PCDHAC1: variants seen among roughly 807,000 people sequenced by gnomAD.
PCDHAC1 encodes protocadherin alpha-C1.
Under a neutral mutation model 60.0 loss-of-function variants are expected in PCDHAC1, and 42 were observed. The ratio of observed to expected loss-of-function variants is 0.70; its 90% CI spans 0.55 to 0.90. The LOEUF (loss-of-function observed/expected upper bound fraction) is 0.90. Among genes scored for constraint, PCDHAC1 ranks in the 40% least tolerant of loss-of-function variants. PCDHAC1 has a pLI of 0.00. For synonymous variants in PCDHAC1, 468 were observed against 499.3 expected (o/e 0.94, Z 0.84); for missense variants, 1,160 against 1,222.3 (o/e 0.95, Z 0.76).
chr5:140,997,859 T>C (rs2097788506), intron 3 of PCDHAC1, among the ~76,000 whole-genome samples: 1 of 152,216 alleles, frequency 6.6e-6, no homozygotes, highest in Non-Finnish European at 1.5e-5. Context: ...TACATATTTC[T>C]TATGCATGCT....
At chr5:140,950,358 G>A (rs1474217490) in intron 1 of PCDHAC1, among the ~76,000 whole-genome samples, 3 of 151,864 alleles carry the variant, frequency 2.0e-5, no homozygotes, top group Admixed American at 1.3e-4. Context: ...TCCTTTATCT[G>A]AAGATCTATT....
chr5:140,968,363 G>T (rs1448494733), intron 1 of PCDHAC1: 1 of 1,614,090 alleles, frequency 6.2e-7, no homozygotes, highest in East Asian at 2.2e-5. Context: ...CAGCCTTTAT[G>T]CTGTCAACTC....
chr5:140,950,581 C>T (rs1158445917), intron 1 of PCDHAC1, among the ~76,000 whole-genome samples: 2 of 151,860 alleles, frequency 1.3e-5, no homozygotes, highest in Non-Finnish European at 2.9e-5. Flanking sequence ...TTCTACTTAC[C>T]TTTGGTTTAG....
chr5:140,956,820 G>C (rs246011), intron 1 of PCDHAC1, among the ~76,000 whole-genome samples: 85,659 of 151,910 alleles, frequency 0.56, 24,765 homozygotes, highest in African/African-American at 0.69. Context: ...GCTTCAATTT[G>C]TAATTTAATA....
At chr5:140,947,374 T>C (rs1252253428) in intron 1 of PCDHAC1, among the ~76,000 whole-genome samples, 7 of 151,768 alleles carry the variant, frequency 4.6e-5, no homozygotes, top group Admixed American at 4.6e-4. Context: ...TTGATCTATA[T>C]GTTTATCCTT....
chr5:140,950,426 ACT>A (rs1554219446), intron 1 of PCDHAC1, among the ~76,000 whole-genome samples: 5 of 151,872 alleles, frequency 3.3e-5, no homozygotes, highest in African/African-American at 1.2e-4. Flanking sequence ...ATTTTCTTCC[ACT>A]TAAAAAAAAT....
chr5:140,959,038 A>ATG (rs1387162159), intron 1 of PCDHAC1, among the ~76,000 whole-genome samples: 2 of 151,994 alleles, frequency 1.3e-5, no homozygotes, highest in Non-Finnish European at 2.9e-5. Flanking sequence ...ATGGGTATGT[A>ATG]TGTATAGGAA....
chr5:141,004,414 C>A (rs2153980954), intron 3 of PCDHAC1, among the ~76,000 whole-genome samples: 1 of 152,330 alleles, frequency 6.6e-6, no homozygotes, highest in Non-Finnish European at 1.5e-5. Context: ...CTGACTAGAT[C>A]TCTGCCTCCT....
chr5:140,930,257 A>C (rs1412873070), intron 1 of PCDHAC1: 1 of 152,218 alleles, frequency 6.6e-6, no homozygotes, highest in Non-Finnish European at 1.5e-5. Flanking sequence ...ACTTGGATTT[A>C]ATTTCTTTTA....
chr5:140,949,529 T>C (rs2094389085), intron 1 of PCDHAC1, among the ~76,000 whole-genome samples: 1 of 151,910 alleles, frequency 6.6e-6, no homozygotes, highest in South Asian at 2.1e-4. Flanking sequence ...TTTATCTTCA[T>C]AAAATATCGA....
At chr5:140,981,725 A>T (rs1554243280) in intron 2 of PCDHAC1, among the ~76,000 whole-genome samples, 1 of 151,396 alleles carries the variant, frequency 6.6e-6, no homozygotes, top group Non-Finnish European at 1.5e-5. Context: ...TCCAACAAAT[A>T]TTTGAGAGAT....
rs373471484 is a variant in PCDHAC1, at chr5:140,997,017, TA to T, written c.2582-12609del. 5.1e-4 allele frequency among the ~76,000 whole-genome samples: 78 copies of T among 152,304 alleles called. No individual in the cohort carries two copies. The South Asian group carries it at 0.011, about 21-fold the overall frequency. ...TAACAATTTTGTGTGTATCCTCCAA[TA>T]TTTTTTTGAAATTAATGAACTTTAC... On this transcript the variant is annotated intron_variant, in intron 3 of 3. Transcript: ENST00000253807.
At chr5:140,943,789 T>C (rs2093567416) in intron 1 of PCDHAC1, among the ~76,000 whole-genome samples, 1 of 152,228 alleles carries the variant, frequency 6.6e-6, no homozygotes, top group African/African-American at 2.4e-5. Flanking sequence ...TGGTCCTTTA[T>C]GCAAAGCAAA....
intron 1 of PCDHAC1, among the ~76,000 whole-genome samples, chr5:140,964,473 T>C (rs1457345251): frequency 6.6e-6 from 1 of 152,068 alleles, no homozygotes; most frequent in Non-Finnish European, 1.5e-5. Flanking sequence ...TGCCTATGAT[T>C]TTTTCACAGT....
intron 1 of PCDHAC1, among the ~76,000 whole-genome samples, chr5:140,942,896 C>CT (rs1554215262): frequency 6.6e-6 from 1 of 151,664 alleles, no homozygotes; most frequent in African/African-American, 2.4e-5. Flanking sequence ...AAATTTATCT[C>CT]TAAGAATAAG....
chr5:140,928,308 C>A lies in PCDHAC1; in HGVS notation c.1416C>A (p.Pro472=). ...TAGGCCGAGTGTTTGCCCAGGACCC[C>A]GACCTGGGGAAGAATGGCCTTGTCT... ...ASLGRVFAQD[P]DLGKNGLVSY... is the part of the protein sequence containing the mutation. The change falls in exon 1 of 4, where the codon CCC becomes CCA. Residue 472 remains proline, a synonymous_variant. Transcript: ENST00000253807. 6.2e-7 allele frequency: 1 copy of A among 1,614,126 alleles called. No individual in the cohort carries two copies. Among genetic ancestry groups the A allele is most frequent in the Non-Finnish European group, 8.5e-7 (1 of 1,180,030 alleles).
At chr5:140,967,910 A>G (rs2096197842) in intron 1 of PCDHAC1, 1 of 1,613,996 alleles carries the variant, frequency 6.2e-7, no homozygotes, top group Non-Finnish European at 8.5e-7. Flanking sequence ...TACACCCAAC[A>G]CCATTGTGGC....
At chr5:140,966,641 A>C in intron 1 of PCDHAC1, 5 of 1,104,534 alleles carry the variant, frequency 4.5e-6, no homozygotes, top group Non-Finnish European at 6.0e-6. Flanking sequence ...GGCGCTTTCT[A>C]GAGCGTGAGC....
At chr5:140,942,679 G>T (rs549826522) in intron 1 of PCDHAC1, among the ~76,000 whole-genome samples, 8 of 151,904 alleles carry the variant, frequency 5.3e-5, no homozygotes, top group Non-Finnish European at 8.8e-5. Flanking sequence ...AAAGTTTTAG[G>T]AATAACTTTA....
Sources: gnomAD v4.1 joint callset for allele counts (sites outside exome capture counted in the v4.1 genomes callset) on GRCh38, gnomAD v4.1.1 for gene constraint, MANE v1.5 for transcripts, NCBI Gene and HGNC (gene_info 2026-07-23, HGNC 2026-07-21) for gene names.